The following PLCB1 variants were observed in gnomAD, a reference collection of about 807,000 sequenced individuals.
The protein encoded by PLCB1 is phospholipase C beta 1.
A neutral mutation model predicts 161.8 loss-of-function variants in PLCB1; 46 were observed. The ratio of observed to expected loss-of-function variants is 0.28; its 90% CI spans 0.22 to 0.36. PLCB1 has a LOEUF of 0.36. PLCB1 is among the 10% of genes least tolerant of loss of function. PLCB1 has a pLI of 1.00. For missense variants in PLCB1, 1,016 were observed against 1,472.5 expected (o/e 0.69, Z 5.07); for synonymous variants, 517 against 503.7 (o/e 1.03, Z -0.35).
At chr20:8,650,178 T>A (rs1316462880) in intron 7 of PLCB1, among the ~76,000 whole-genome samples, 1 of 152,160 alleles carries the variant, frequency 6.6e-6, no homozygotes, top group Non-Finnish European at 1.5e-5. Context: ...ATGTTTTTTT[T>A]AAGATATTAG....
chr20:8,159,071 G>T (rs2051594023), intron 2 of PLCB1, among the ~76,000 whole-genome samples: 1 of 152,112 alleles, frequency 6.6e-6, no homozygotes, highest in Non-Finnish European at 1.5e-5. Context: ...TTGGGACTGG[G>T]GGCTCCAACC....
At position 8,774,547 on chromosome 20, in the gene PLCB1, C is replaced by A; in HGVS notation, c.2939C>A (p.Pro980His). 6.2e-7 allele frequency: 1 copy of A among 1,605,288 alleles called. No homozygotes were observed. The highest frequency in any genetic ancestry group is 8.5e-7 in the Non-Finnish European group (1 of 1,174,006). The change falls in exon 27 of 32, where the codon CCC becomes CAC. Residue 980 changes from proline to histidine, a missense_variant. Around this residue, in one of 10 missense-constraint regions of PLCB1, gnomAD observed 398 missense variants for 445.4 expected, o/e 0.89. Coordinates refer to ENST00000338037, the MANE Select transcript of PLCB1 (RefSeq NM_015192.4). ...AKKDSKKKSE[P>H]SSPDHGSSTI... ...ACTCTGTGTCTTTGCAGATCGGAAC[C>A]CAGCAGCCCTGATCATGGTTCATCA... is the stretch of plus-strand genomic sequence containing the variant.
At chr20:8,662,438 T>C (rs1381127661) in intron 9 of PLCB1, among the ~76,000 whole-genome samples, 1 of 108,754 alleles carries the variant, frequency 9.2e-6, no homozygotes, top group East Asian at 2.8e-4. Context: ...ATTATATAAT[T>C]ATGTGTTATG....
At chr20:8,653,954 G>A (rs985192894) in intron 7 of PLCB1, among the ~76,000 whole-genome samples, 3 of 151,982 alleles carry the variant, frequency 2.0e-5, no homozygotes, top group East Asian at 1.9e-4. Flanking sequence ...GAGTTGATGG[G>A]ATTACATGAA....
rs568574203 is a variant in PLCB1 at position 8,829,540 on chromosome 20, A to T, written c.3423+39279A>T. 4.7e-4 allele frequency among the ~76,000 whole-genome samples: 72 copies of T among 152,188 alleles called. 2 individuals carry two copies. In the South Asian group the frequency reaches 0.014, roughly 30 times the overall value. On this transcript the variant is annotated intron_variant, in intron 31 of 31. Transcript: ENST00000338037. ...TCCTCAGTTAAGAGATGCTTTCTGG[A>T]GTGTTTTGTAGATGGATTTGAAGAC...
At chr20:8,295,109 A>G (rs921233217) in intron 2 of PLCB1, among the ~76,000 whole-genome samples, 10 of 152,198 alleles carry the variant, frequency 6.6e-5, no homozygotes, top group Non-Finnish European at 1.5e-4. Flanking sequence ...AAACTATACA[A>G]TGAAACAGGA....
At chr20:8,386,602 A>G (rs180753022) in intron 3 of PLCB1, among the ~76,000 whole-genome samples, 23 of 152,328 alleles carry the variant, frequency 1.5e-4, no homozygotes, top group Non-Finnish European at 3.1e-4. Context: ...GTCAATGAGC[A>G]TTGGCTTCCA....
intron 31 of PLCB1, among the ~76,000 whole-genome samples, chr20:8,814,562 A>G (rs1984989251): frequency 6.9e-6 from 1 of 144,058 alleles, no homozygotes; most frequent in Non-Finnish European, 1.5e-5. Flanking sequence ...CTATCCACCT[A>G]TGGTATGTAC....
intron 31 of PLCB1, among the ~76,000 whole-genome samples, chr20:8,861,285 A>T (rs1309192465): frequency 6.6e-6 from 1 of 152,244 alleles, no homozygotes; most frequent in Non-Finnish European, 1.5e-5. Context: ...ATGATATGTG[A>T]TCAAGGCACA....
chr20:8,285,163 C>G (rs1983053421), intron 2 of PLCB1, among the ~76,000 whole-genome samples: 1 of 151,170 alleles, frequency 6.6e-6, no homozygotes, highest in Non-Finnish European at 1.5e-5. Context: ...TCCTATAAAC[C>G]AGATGCTTCA....
rs899272939 is a variant in PLCB1 at position 8,436,554 on chromosome 20, CT to C, written c.246+65112del. Among the ~76,000 whole-genome samples, 4 of 151,816 alleles carry C rather than the reference CT, an allele frequency of 2.6e-5. No individual in the cohort carries two copies. The South Asian group carries it at 6.3e-4, about 24-fold the overall frequency. On this transcript the variant is annotated intron_variant, in intron 3 of 31. Transcript: ENST00000338037. ...CAAACTCTCTTTTTTCTCTTTTCCT[CT>C]TTTTTTTCTCTCTTCTCTGTCTCTC...
chr20:8,565,543 A>G (rs141418382), intron 3 of PLCB1, among the ~76,000 whole-genome samples: 114 of 151,220 alleles, frequency 7.5e-4, no homozygotes, highest in Non-Finnish European at 1.4e-3. Flanking sequence ...ATAATAAAGA[A>G]CTTAAAGTAT....
At chr20:8,301,326 A>G (rs1983901751) in intron 2 of PLCB1, among the ~76,000 whole-genome samples, 1 of 152,200 alleles carries the variant, frequency 6.6e-6, no homozygotes, top group Admixed American at 6.5e-5. Context: ...ATAATTTAAT[A>G]GTCAAATCAT....
intron 2 of PLCB1, among the ~76,000 whole-genome samples, chr20:8,328,799 C>G (rs1389794908): frequency 6.6e-6 from 1 of 152,060 alleles, no homozygotes; most frequent in Non-Finnish European, 1.5e-5. Flanking sequence ...AGAGGACTCC[C>G]TGGGGTGAGG....
rs554061901 is a variant in PLCB1, at chr20:8,431,542, C to A, written c.246+60092C>A. On this transcript the variant is annotated intron_variant, in intron 3 of 31. Coordinates refer to ENST00000338037, the MANE Select transcript of PLCB1 (RefSeq NM_015192.4). ...TAAGGTTTGCCACCAAAGGAGTTTG[C>A]TCTAAATTTGTGACTGGATGTTTGG... Among the ~76,000 whole-genome samples the A allele has an allele frequency of 4.9e-4, 74 of 152,258 alleles. No individual in the cohort carries two copies. The South Asian group carries it at 0.015, about 31-fold the overall frequency.
At chr20:8,469,255 T>G (rs928933079) in intron 3 of PLCB1, among the ~76,000 whole-genome samples, 1 of 152,150 alleles carries the variant, frequency 6.6e-6, no homozygotes, top group Non-Finnish European at 1.5e-5. Context: ...AAAGAAAGTT[T>G]CATAGTAGAA....
intron 2 of PLCB1, among the ~76,000 whole-genome samples, chr20:8,192,942 A>G (rs1230433171): frequency 6.6e-6 from 1 of 152,026 alleles, no homozygotes; most frequent in Non-Finnish European, 1.5e-5. Flanking sequence ...CAGGATGTAC[A>G]TAATGAGTGG....
intron 3 of PLCB1, among the ~76,000 whole-genome samples, chr20:8,529,871 GAGTA>G (rs1984733099): frequency 2.0e-5 from 3 of 152,034 alleles, no homozygotes; most frequent in Non-Finnish European, 4.4e-5. Context: ...GTAACTCTTG[GAGTA>G]TAACAAGGAC....
chr20:8,287,281 C>A (rs1983163919), intron 2 of PLCB1, among the ~76,000 whole-genome samples: 1 of 151,932 alleles, frequency 6.6e-6, no homozygotes, highest in Non-Finnish European at 1.5e-5. Flanking sequence ...TTGTAGTAGC[C>A]TGTGATATAA....
Sources: gnomAD v4.1 joint callset for allele counts (sites outside exome capture counted in the v4.1 genomes callset) on GRCh38, gnomAD v4.1.1 for gene constraint, gnomAD v4.1.1 regional missense constraint, MANE v1.5 for transcripts, NCBI Gene and HGNC (gene_info 2026-07-23, HGNC 2026-07-21) for gene names.